The following GNAO1 variants were observed in gnomAD, a reference collection of about 807,000 sequenced individuals.
The protein encoded by GNAO1 is G protein subunit alpha o1, also known as guanine nucleotide-binding protein G(o) subunit alpha.
For missense variants in GNAO1, 166 were observed against 478.7 expected (o/e 0.35, Z 6.10); for synonymous variants, 164 against 180.7 (o/e 0.91, Z 0.74).
At chr16:56,281,589 C>G (rs1316994617) in intron 3 of GNAO1, among the ~76,000 whole-genome samples, 1 of 151,916 alleles carries the variant, frequency 6.6e-6, no homozygotes, top group Non-Finnish European at 1.5e-5. Flanking sequence ...TCTCAGTCCC[C>G]TTTTCCTCCT....
At chr16:56,336,016 C>G (rs2037736724) in intron 5 of GNAO1, among the ~76,000 whole-genome samples, 1 of 152,196 alleles carries the variant, frequency 6.6e-6, no homozygotes, top group Admixed American at 6.5e-5. Flanking sequence ...CATCCCAGAT[C>G]TAGGAGGCTA....
At chr16:56,255,959 G>A (rs1365055606) in intron 2 of GNAO1, among the ~76,000 whole-genome samples, 1 of 152,170 alleles carries the variant, frequency 6.6e-6, no homozygotes, top group Non-Finnish European at 1.5e-5. Flanking sequence ...TTTTAAGTCT[G>A]CCCTGAGTTG....
chr16:56,347,414 C>T (rs564015419), intron 6 of GNAO1: 36 of 985,536 alleles, frequency 3.7e-5, no homozygotes, highest in South Asian at 4.7e-5. Context: ...GAGCTGCTGC[C>T]GTGGGGTCTG....
At chr16:56,219,936 C>G (rs1175077050) in intron 2 of GNAO1, among the ~76,000 whole-genome samples, 1 of 152,056 alleles carries the variant, frequency 6.6e-6, no homozygotes. Context: ...TAGAGAAGGC[C>G]CATGTCAGTT....
chr16:56,332,620 A>G (rs2037700347), intron 4 of GNAO1, among the ~76,000 whole-genome samples: 1 of 152,178 alleles, frequency 6.6e-6, no homozygotes, highest in South Asian at 2.1e-4. Flanking sequence ...AGCTCCTGGA[A>G]CAGTGGCTAG....
intron 8 of GNAO1, 137 bp from the exon 9 acceptor site, chr16:56,355,966 C>T (rs2037964444): frequency 1.3e-5 from 2 of 152,276 alleles, no homozygotes; most frequent in Admixed American, 1.3e-4. Flanking sequence ...CAATGGGGTT[C>T]CTGACCCCTC....
intron 3 of GNAO1, among the ~76,000 whole-genome samples, chr16:56,295,096 G>C (rs1166405633): frequency 6.6e-6 from 1 of 152,100 alleles, no homozygotes; most frequent in Non-Finnish European, 1.5e-5. Context: ...AATGGTAAAT[G>C]GTTTGTTTAA....
intron 3 of GNAO1, among the ~76,000 whole-genome samples, chr16:56,288,960 AT>A (rs1420935244): frequency 2.0e-5 from 3 of 151,748 alleles, no homozygotes; most frequent in Non-Finnish European, 4.4e-5. Flanking sequence ...AGTTCTATAA[AT>A]TCCCCTGGCA....
At chr16:56,348,830 T>C (rs1289989293) in intron 6 of GNAO1, among the ~76,000 whole-genome samples, 3 of 152,130 alleles carry the variant, frequency 2.0e-5, no homozygotes, top group African/African-American at 7.2e-5. Context: ...AGCCGCCTTT[T>C]GGGGCTCCCT....
intron 2 of GNAO1, among the ~76,000 whole-genome samples, chr16:56,209,099 C>T (rs918452061): frequency 6.6e-6 from 1 of 152,120 alleles, no homozygotes; most frequent in Non-Finnish European, 1.5e-5. Flanking sequence ...CTATTTCCCG[C>T]CTCTTTAAAA....
At chr16:56,290,238 A>G (rs1214554402) in intron 3 of GNAO1, among the ~76,000 whole-genome samples, 4 of 151,662 alleles carry the variant, frequency 2.6e-5, no homozygotes, top group Non-Finnish European at 5.9e-5. Flanking sequence ...TCTTGTCCTG[A>G]CTCTCAGACC....
At chr16:56,295,411 AGAT>A (rs1422229205) in intron 3 of GNAO1, among the ~76,000 whole-genome samples, 6 of 152,224 alleles carry the variant, frequency 3.9e-5, no homozygotes, top group African/African-American at 1.4e-4. Context: ...AGATTAAATG[AGAT>A]GATGATCTCA....
chr16:56,352,514 A>C (rs560723931), intron 7 of GNAO1: 1 of 152,456 alleles, frequency 6.6e-6, no homozygotes, highest in East Asian at 1.9e-4. Flanking sequence ...GTCATCCGCC[A>C]GGTCAGGGCA....
chr16:56,194,515 C>T, intron 2 of GNAO1: 1 of 311,924 alleles, frequency 3.2e-6, no homozygotes, highest in Non-Finnish European at 6.4e-6. Flanking sequence ...CCGGAAAAGT[C>T]GATGGGGCTC....
chr16:56,222,958 A>G (rs1482764063), intron 2 of GNAO1, among the ~76,000 whole-genome samples: 1 of 152,196 alleles, frequency 6.6e-6, no homozygotes, highest in Non-Finnish European at 1.5e-5. Flanking sequence ...TGTTATATAC[A>G]GAGACCCTGG....
At chr16:56,338,487 T>G (rs532228546) in intron 6 of GNAO1, among the ~76,000 whole-genome samples, 1 of 152,334 alleles carries the variant, frequency 6.6e-6, no homozygotes, top group Admixed American at 6.5e-5. Context: ...ACTGCTAGAC[T>G]CTATGCTATT....
At chr16:56,319,473 AC>A (rs1250312459) in intron 3 of GNAO1, among the ~76,000 whole-genome samples, 2 of 152,088 alleles carry the variant, frequency 1.3e-5, no homozygotes, top group Non-Finnish European at 2.9e-5. Flanking sequence ...CTGGGAGCCT[AC>A]GCCCCTCCTT....
intron 6 of GNAO1, among the ~76,000 whole-genome samples, chr16:56,348,867 G>A (rs1436342882): frequency 6.6e-6 from 1 of 152,108 alleles, no homozygotes; most frequent in African/African-American, 2.4e-5. Context: ...ATAAAACCAG[G>A]TTTGGTTATG....
chr16:56,333,417 G>A (rs571248892), intron 4 of GNAO1, among the ~76,000 whole-genome samples: 214 of 152,150 alleles, frequency 1.4e-3, no homozygotes, highest in Middle Eastern at 0.014. Context: ...TCACCATGTT[G>A]GCCAGGATGG....
Sources: gnomAD v4.1 joint callset for allele counts (sites outside exome capture counted in the v4.1 genomes callset) on GRCh38, gnomAD v4.1.1 for gene constraint, MANE v1.5 for transcripts, NCBI Gene and HGNC (gene_info 2026-07-23, HGNC 2026-07-21) for gene names.